Variants in TACR3 observed in about 807,000 individuals in gnomAD.
The protein encoded by TACR3 is neuromedin-K receptor.
TACR3 carries 34 observed loss-of-function variants against 35.0 expected under a neutral mutation model. The ratio of observed to expected loss-of-function variants is 0.97; its 90% CI spans 0.74 to 1.30. TACR3 has a LOEUF of 1.30. Among genes scored for constraint, TACR3 ranks in the 50% most tolerant of loss-of-function variants. The probability of loss-of-function intolerance (pLI) is 0.00; values close to 1 mark genes in which losing one functional copy is unlikely to be tolerated. For missense variants in TACR3, 558 were observed against 591.7 expected, an observed-to-expected ratio of 0.94 and a Z score of 0.59; for synonymous variants, 233 against 221.1, an observed-to-expected ratio of 1.05 and a Z score of -0.48.
At chr4:103,702,921 G>A (rs1478949922) in intron 1 of TACR3, among the ~76,000 whole-genome samples, 1 of 110,162 alleles carries the variant, frequency 9.1e-6, no homozygotes, top group Non-Finnish European at 1.7e-5. Context: ...GGAGGGGGGA[G>A]GGATAGCATT....
intron 3 of TACR3, among the ~76,000 whole-genome samples, chr4:103,629,298 G>A (rs62340653): frequency 0.22 from 32,676 of 151,818 alleles, 3,994 homozygotes; most frequent in East Asian, 0.29. Flanking sequence ...AGGGCAATCA[G>A]GCAGGAGAAA....
intron 1 of TACR3, among the ~76,000 whole-genome samples, chr4:103,663,596 C>T (rs1578248399): frequency 6.6e-6 from 1 of 152,270 alleles, no homozygotes; most frequent in East Asian, 1.9e-4. Flanking sequence ...TAGATTAGGG[C>T]ATTACCACTG....
chr4:103,606,415 C>T (rs915266641), intron 3 of TACR3, among the ~76,000 whole-genome samples: 1 of 152,158 alleles, frequency 6.6e-6, no homozygotes, highest in Non-Finnish European at 1.5e-5. Flanking sequence ...TTACCTTGGG[C>T]AGTATGGCCA....
intron 1 of TACR3, among the ~76,000 whole-genome samples, chr4:103,716,146 T>C (rs763616453): frequency 6.6e-6 from 1 of 152,060 alleles, no homozygotes; most frequent in Non-Finnish European, 1.5e-5. Context: ...ATATGTTATT[T>C]TTCAAAATGG....
intron 3 of TACR3, among the ~76,000 whole-genome samples, chr4:103,601,465 A>C (rs1724199991): frequency 6.6e-6 from 1 of 152,136 alleles, no homozygotes. Flanking sequence ...TATTTGATGC[A>C]GTTTCTTCCT....
chr4:103,660,729 T>C (rs972718999), intron 1 of TACR3, among the ~76,000 whole-genome samples: 1 of 151,862 alleles, frequency 6.6e-6, no homozygotes, highest in Non-Finnish European at 1.5e-5. Flanking sequence ...GAAAAAGTAG[T>C]GACAAAAAAA....
At chr4:103,593,768 A>G (rs189098335) in intron 3 of TACR3, among the ~76,000 whole-genome samples, 2 of 152,228 alleles carry the variant, frequency 1.3e-5, no homozygotes, top group African/African-American at 2.4e-5. Flanking sequence ...ATTCTGACCA[A>G]TTAATTTAAA....
chr4:103,673,350 T>C (rs543654852), intron 1 of TACR3, among the ~76,000 whole-genome samples: 1 of 152,184 alleles, frequency 6.6e-6, no homozygotes, highest in Non-Finnish European at 1.5e-5. Flanking sequence ...GCGAGTGACA[T>C]TGTGACTCTT....
Position 103,719,848 on chromosome 4 carries a change from A to C in TACR3, c.-173T>G. 1.2e-6 allele frequency: 1 copy of C among 800,426 alleles called. No homozygotes were observed. Among genetic ancestry groups the C allele is most frequent in the Non-Finnish European group, 2.0e-6 (1 of 512,758 alleles). 49.6% of individuals were successfully genotyped at this position (800,426 alleles called of 1,614,324 possible). ...TGGTTAGGGGATGCAGCTGGGGCTA[A>C]GGGGCAACAGCTGCACTTTCTCAGA... On this transcript the variant is annotated 5_prime_UTR_variant, in exon 1 of 5. Transcript: ENST00000304883.
At position 103,631,878 on chromosome 4, in the gene TACR3, A is replaced by T. The variant is rs1053172590; in HGVS notation, c.888+24316T>A. 5.3e-5 allele frequency among the ~76,000 whole-genome samples: 8 copies of T among 152,196 alleles called. No individual in the cohort carries two copies. In the East Asian group the frequency reaches 1.5e-3, roughly 29 times the overall value. ...TAATAGAGCCTAGAATTTGCTTGTGATAAAATACTTTCCTTTTTCTAACCA... is the reference window on the plus strand; with the variant it reads ...TAATAGAGCCTAGAATTTGCTTGTGTTAAAATACTTTCCTTTTTCTAACCA... On this transcript the variant is annotated intron_variant, in intron 3 of 4. Transcript: ENST00000304883.
At chr4:103,597,914 C>T (rs112874360) in intron 3 of TACR3, among the ~76,000 whole-genome samples, 3,121 of 152,174 alleles carry the variant, frequency 0.021, 59 homozygotes, top group Admixed American at 0.032. Flanking sequence ...TATAAACATA[C>T]GTGTGCATGT....
chr4:103,686,242 G>T (rs994732449), intron 1 of TACR3, among the ~76,000 whole-genome samples: 4 of 152,150 alleles, frequency 2.6e-5, no homozygotes, highest in African/African-American at 9.6e-5. Flanking sequence ...ATGAATGTGA[G>T]GCAGACTTGT....
intron 2 of TACR3, 148 bp from the exon 3 acceptor site, chr4:103,656,492 TATC>T (rs1725737225): frequency 6.6e-6 from 5 of 757,800 alleles, no homozygotes; most frequent in Non-Finnish European, 8.6e-6. Flanking sequence ...TCCATCAAAA[TATC>T]ATGCTATTGT....
intron 3 of TACR3, among the ~76,000 whole-genome samples, chr4:103,602,215 G>T (rs1053978901): frequency 6.6e-6 from 1 of 152,098 alleles, no homozygotes; most frequent in African/African-American, 2.4e-5. Context: ...CGTAGCTCTC[G>T]TGCCTTGGTT....
intron 1 of TACR3, among the ~76,000 whole-genome samples, chr4:103,684,259 A>G: frequency 6.6e-6 from 1 of 152,172 alleles, no homozygotes; most frequent in East Asian, 1.9e-4. Flanking sequence ...CAGATTCAAA[A>G]GAAATTTAAT....
chr4:103,589,733 G>A lies in TACR3; in HGVS notation c.1347C>T (p.Ala449=). 6.2e-7 allele frequency: 1 copy of A among 1,613,972 alleles called. No individual in the cohort carries two copies. The highest frequency in any genetic ancestry group is 1.1e-5 in the South Asian group (1 of 91,082). ...CSRRNSKSAS[A]TSSFISSPYT... Reference sequence around the variant, plus strand: ...AGGGTGAGCTTATGAAACTTGAAGTGGCGGAGGCAGATTTGGAATTCCTGC... The same window carrying A: ...AGGGTGAGCTTATGAAACTTGAAGTAGCGGAGGCAGATTTGGAATTCCTGC... The change falls in exon 5 of 5, where the codon GCC becomes GCT. Residue 449 remains alanine, a synonymous_variant. Coordinates refer to ENST00000304883, the MANE Select transcript of TACR3 (RefSeq NM_001059.3).
rs1041686059 is a variant in TACR3, at chr4:103,642,553, G to A, written c.888+13641C>T. Among the ~76,000 whole-genome samples, 83 of 151,820 alleles carry A rather than the reference G, an allele frequency of 5.5e-4. 1 individual carries two copies. Among genetic ancestry groups the A allele is most frequent in the Admixed American group, 3.4e-3 (51 of 15,190 alleles). On this transcript the variant is annotated intron_variant, in intron 3 of 4. Coordinates refer to ENST00000304883, the MANE Select transcript of TACR3 (RefSeq NM_001059.3). ...ACATTATGCTAAGTGAAATAAGCCA[G>A]GCACAGAAAGACAAATAATGCATGT... is the stretch of plus-strand genomic sequence containing the variant.
At chr4:103,700,584 C>G (rs1232175509) in intron 1 of TACR3, among the ~76,000 whole-genome samples, 1 of 152,106 alleles carries the variant, frequency 6.6e-6, no homozygotes, top group Non-Finnish European at 1.5e-5. Flanking sequence ...TTATACAATT[C>G]TGGGGGAAAT....
intron 3 of TACR3, among the ~76,000 whole-genome samples, chr4:103,616,657 C>T (rs1478199279): frequency 6.6e-6 from 1 of 152,014 alleles, no homozygotes; most frequent in Non-Finnish European, 1.5e-5. Context: ...AATATAAAAC[C>T]AAATCTCAGC....
Sources: allele counts gnomAD v4.1 joint callset (sites outside exome capture counted in the v4.1 genomes callset), GRCh38; gene constraint gnomAD v4.1.1; transcripts MANE v1.5; gene names NCBI Gene and HGNC (gene_info 2026-07-23, HGNC 2026-07-21).